The following ROCK2 variants were observed in gnomAD, a reference collection of about 807,000 sequenced individuals.
The protein encoded by ROCK2 is Rho associated coiled-coil containing protein kinase 2.
Under a neutral mutation model 195.1 loss-of-function variants are expected in ROCK2, and 61 were observed. The observed-to-expected ratio is 0.31, with a 90% CI of 0.25 to 0.39. ROCK2 has a LOEUF of 0.39. Ranked by LOEUF, ROCK2 falls within the 10% of genes least tolerant of loss-of-function variation. ROCK2 has a pLI of 1.00. For missense variants in ROCK2, 1,109 were observed against 1,637.4 expected (o/e 0.68, Z 5.57); for synonymous variants, 504 against 545.5 (o/e 0.92, Z 1.06).
At chr2:11,196,982 A>G (rs1663661872) in intron 27 of ROCK2, among the ~76,000 whole-genome samples, 198 bp downstream of exon 27, 1 of 152,216 alleles carries the variant, frequency 6.6e-6, no homozygotes, top group Admixed American at 6.5e-5. Context: ...TTTCTTTTGT[A>G]TGTTTATGAA....
Position 11,201,262 on chromosome 2 carries a change from G to T in ROCK2, c.2723+48C>A. 6.6e-7 allele frequency: 1 copy of T among 1,520,644 alleles called. No homozygotes were observed. The highest frequency in any genetic ancestry group is 9.1e-7 in the Non-Finnish European group (1 of 1,101,290). The allele number at this position is 1,520,644 out of a possible 1,614,324, so 94.2% of individuals were successfully genotyped here. On this transcript the variant is annotated intron_variant, in intron 22 of 32. Coordinates refer to ENST00000315872, the MANE Select transcript of ROCK2 (RefSeq NM_004850.5). This position sits in a 1 kb window ranked among gnomAD's most constrained non-coding sequence, Gnocchi z 4.6. ...GTGATTACCAGGCATTGTTCTAGGA[G>T]CAAAGTATACAGCTATGAACAAAAA...
In ROCK2 at chr2:11,215,054, C is replaced by T. The variant is rs2148065693; in HGVS notation, c.1722G>A (p.Glu574=). 6.2e-7 allele frequency: 1 copy of T among 1,614,124 alleles called. No individual in the cohort carries two copies. The highest frequency in any genetic ancestry group is 1.1e-5 in the South Asian group (1 of 91,080). ...TCCTTAACCGGGCTGCAGTATCAGA[C>T]TCTGTTCGCAGTAAAGCATTGGTTT... ...LDETNALLRT[E]SDTAARLRKT... The change falls in exon 16 of 33, where the codon GAG becomes GAA. Residue 574 remains glutamate (E), a synonymous_variant. Transcript: ENST00000315872.
At chr2:11,304,325 C>T (rs1274207729) in intron 1 of ROCK2, among the ~76,000 whole-genome samples, 1 of 152,188 alleles carries the variant, frequency 6.6e-6, no homozygotes, top group Non-Finnish European at 1.5e-5. Flanking sequence ...TTCACATCTC[C>T]ATTCATGCCA....
At chr2:11,236,215 G>T (rs183592688) in intron 4 of ROCK2, among the ~76,000 whole-genome samples, 359 of 151,904 alleles carry the variant, frequency 2.4e-3, no homozygotes, top group Non-Finnish European at 4.2e-3. Flanking sequence ...CAATACAAAA[G>T]AAACTATTTA....
Position 11,201,326 on chromosome 2 carries a change from C to T in ROCK2, c.2707G>A (p.Glu903Lys). 6.2e-7 allele frequency: 1 copy of T among 1,609,868 alleles called. No homozygotes were observed. The highest frequency in any genetic ancestry group is 8.5e-7 in the Non-Finnish European group (1 of 1,176,512). Residue 903 changes from glutamate (E) to lysine (K), a missense_variant, in exon 22 of 33, where the codon GAA becomes AAA. Transcript: ENST00000315872. This position sits in a 1 kb window ranked among gnomAD's most constrained non-coding sequence, Gnocchi z 4.6. ...CATACTTACCGTTCATCCTGTAATT[C>T]CTGTTTCTTCTGCTGCAATTCTTTA... ...LGKELQQKKQ[E>K]LQDERDSLAA...
intron 1 of ROCK2, among the ~76,000 whole-genome samples, chr2:11,317,593 TATATATA>T (rs1289569710): frequency 2.1e-4 from 3 of 14,506 alleles, no homozygotes; most frequent in South Asian, 2.3e-3. Flanking sequence ...TATATATATA[TATATATA>T]TATATATATA....
chr2:11,293,220 T>C (rs1314686378), intron 1 of ROCK2, among the ~76,000 whole-genome samples: 2 of 152,216 alleles, frequency 1.3e-5, no homozygotes, highest in Non-Finnish European at 2.9e-5. Flanking sequence ...AGTGGCAACT[T>C]AAATTGAGGA....
chr2:11,262,118 C>A (rs192076607), intron 3 of ROCK2, among the ~76,000 whole-genome samples: 9 of 152,064 alleles, frequency 5.9e-5, no homozygotes, highest in Admixed American at 2.6e-4. Context: ...CTATGAGTAC[C>A]TAAAGGATAA....
In ROCK2 at chr2:11,214,292, A is replaced by G. The variant is rs867858153; in HGVS notation, c.2043+65T>C. ...AGTTAGTGACTTCCCTTAGTTTAGA[A>G]TAACTTTTCTAACCTGAAAGTCTAC... is the stretch of plus-strand genomic sequence containing the variant. On this transcript the variant is annotated intron_variant, in intron 17 of 32. Coordinates refer to ENST00000315872, the MANE Select transcript of ROCK2 (RefSeq NM_004850.5). The G allele has an allele frequency of 2.1e-5, 19 of 897,654 alleles. No individual in the cohort carries two copies. In the Middle Eastern group the frequency reaches 1.1e-3, roughly 53 times the overall value. The allele number at this position is 897,654 out of a possible 1,614,324, so 55.6% of individuals were successfully genotyped here.
At chr2:11,224,482 T>C (rs1664746079) in intron 6 of ROCK2, 22 bp from the exon 7 acceptor site, 2 of 1,606,104 alleles carry the variant, frequency 1.2e-6, no homozygotes, top group East Asian at 4.5e-5. Flanking sequence ...AGAAAGAAGA[T>C]ACTGAATGTA....
At position 11,180,948 on chromosome 2, in the gene ROCK2, C is replaced by T. The variant is rs1489145384; in HGVS notation, c.*2489G>A. The T allele has an allele frequency of 6.6e-6, 1 of 151,916 alleles. No homozygotes were observed. The highest frequency in any genetic ancestry group is 1.5e-5 in the Non-Finnish European group (1 of 67,998). 9.4% of individuals were successfully genotyped at this position (151,916 alleles called of 1,614,324 possible). A position where few individuals can be genotyped will look rare whatever the true frequency, so the allele number is the denominator to read the frequency against. On this transcript the variant is annotated 3_prime_UTR_variant, in exon 33 of 33. Coordinates refer to ENST00000315872, the MANE Select transcript of ROCK2 (RefSeq NM_004850.5). ...CAACCTTATAAACCCTTATGTCAAACCATATAATGTGAAGAATCTCCATGG... is the reference window on the plus strand; with the variant it reads ...CAACCTTATAAACCCTTATGTCAAATCATATAATGTGAAGAATCTCCATGG...
chr2:11,292,028 T>C (rs568023343), intron 1 of ROCK2, among the ~76,000 whole-genome samples: 37 of 152,312 alleles, frequency 2.4e-4, no homozygotes, highest in Middle Eastern at 6.8e-3. Context: ...ATCAACCTTA[T>C]TGAGGACTGT....
chr2:11,282,224 G>A (rs1322294207), intron 3 of ROCK2, among the ~76,000 whole-genome samples: 3 of 152,120 alleles, frequency 2.0e-5, no homozygotes, highest in South Asian at 2.1e-4. Context: ...GGTGGCACAC[G>A]CTTGTAGTCC....
chr2:11,345,177 T>A (rs533155938), upstream of ROCK2, among the ~76,000 whole-genome samples: 1 of 152,302 alleles, frequency 6.6e-6, no homozygotes, highest in African/African-American at 2.4e-5. Flanking sequence ...GCCCTGGGTG[T>A]CTGGGATTCC....
intron 1 of ROCK2, among the ~76,000 whole-genome samples, chr2:11,318,170 T>C (rs1182511092): frequency 1.3e-5 from 2 of 152,168 alleles, no homozygotes; most frequent in Non-Finnish European, 2.9e-5. Flanking sequence ...TAGTTCTAGA[T>C]CCCTGAGGAA....
intron 3 of ROCK2, among the ~76,000 whole-genome samples, chr2:11,269,007 C>T (rs949660781): frequency 2.6e-5 from 4 of 152,156 alleles, no homozygotes; most frequent in Admixed American, 1.3e-4. Flanking sequence ...TACAAGTTTG[C>T]TGATTCTTCT....
Position 11,193,717 on chromosome 2 carries a change from T to C in ROCK2, c.3687+62A>G, listed in dbSNP as rs1352409638. The C allele has an allele frequency of 4.2e-6, 4 of 943,678 alleles. No homozygotes were observed. In the Admixed American group the frequency reaches 8.6e-5, roughly 20 times the overall value. 58.5% of individuals were successfully genotyped at this position (943,678 alleles called of 1,614,324 possible). A position where few individuals can be genotyped will look rare whatever the true frequency, so the allele number is the denominator to read the frequency against. The stretch of plus-strand genomic sequence containing the variant: ...TTAACATGTCATGTCACTTGAGAAC[T>C]TCTAAATGTGAAAAAAACAAAACAA... On this transcript the variant is annotated intron_variant, in intron 30 of 32. Transcript: ENST00000315872.
At chr2:11,301,837 G>A (rs1014766804) in intron 1 of ROCK2, among the ~76,000 whole-genome samples, 3 of 151,088 alleles carry the variant, frequency 2.0e-5, no homozygotes, top group Admixed American at 6.6e-5. Flanking sequence ...GCCATTCTAT[G>A]TAAGTCAGGT....
At chr2:11,214,001 T>C (rs79279261) in intron 17 of ROCK2, among the ~76,000 whole-genome samples, 6,752 of 152,286 alleles carry the variant, frequency 0.044, 245 homozygotes, top group Middle Eastern at 0.12. Flanking sequence ...TCTTAGAGTA[T>C]TTTAAAAGAA....
Sources: gnomAD v4.1 joint callset for allele counts (sites outside exome capture counted in the v4.1 genomes callset) on GRCh38, gnomAD v4.1.1 for gene constraint, Gnocchi (gnomAD v3.1) non-coding constraint, MANE v1.5 for transcripts, NCBI Gene and HGNC (gene_info 2026-07-23, HGNC 2026-07-21) for gene names.